Variants in KIAA1217 observed in about 807,000 individuals in gnomAD.
KIAA1217 encodes the protein sickle tail protein homolog.
In KIAA1217, 88 loss-of-function variants were observed where a neutral mutation model predicts 163.9. The observed-to-expected ratio is 0.54, with a 90% CI of 0.45 to 0.64. The LOEUF is 0.64. Among genes scored for constraint, KIAA1217 ranks in the 30% least tolerant of loss-of-function variants. The pLI is 0.00. For synonymous variants in KIAA1217, 903 were observed against 923.1 expected (o/e 0.98, Z 0.39); for missense variants, 2,372 against 2,475.0 (o/e 0.96, Z 0.88).
At chr10:23,964,289 G>A (rs1446911534) in intron 1 of KIAA1217, among the ~76,000 whole-genome samples, 2 of 149,092 alleles carry the variant, frequency 1.3e-5, no homozygotes, top group African/African-American at 5.1e-5. Flanking sequence ...CTTTTTGATG[G>A]GGTTGTTTTT....
intron 2 of KIAA1217, among the ~76,000 whole-genome samples, chr10:24,351,270 G>A (rs1414681): frequency 0.37 from 56,747 of 152,020 alleles, 11,075 homozygotes; most frequent in Middle Eastern, 0.44. Flanking sequence ...TCTTGTAAAC[G>A]AATTTTTGGG....
At chr10:23,773,063 T>C (rs187512415) in intron 1 of KIAA1217, among the ~76,000 whole-genome samples, 10 of 152,296 alleles carry the variant, frequency 6.6e-5, no homozygotes, top group Non-Finnish European at 1.2e-4. Context: ...CTGATGGATT[T>C]AGAAATTCAA....
At chr10:24,427,463 G>A (rs1334945237) in intron 3 of KIAA1217, among the ~76,000 whole-genome samples, 1 of 152,116 alleles carries the variant, frequency 6.6e-6, no homozygotes, top group Non-Finnish European at 1.5e-5. Flanking sequence ...TATGAATTTG[G>A]CAGAAGTGGA....
intron 1 of KIAA1217, among the ~76,000 whole-genome samples, chr10:23,879,768 G>C (rs1200159229): frequency 6.6e-6 from 1 of 151,874 alleles, no homozygotes; most frequent in African/African-American, 2.4e-5. Flanking sequence ...TTTTAAGATG[G>C]TAAAAAGAGT....
At chr10:23,739,118 G>A (rs767979249) in intron 1 of KIAA1217, among the ~76,000 whole-genome samples, 19 of 152,120 alleles carry the variant, frequency 1.2e-4, no homozygotes, top group Non-Finnish European at 2.4e-4. Flanking sequence ...TGGAACTGGA[G>A]GTCACCATTT....
intron 2 of KIAA1217, among the ~76,000 whole-genome samples, chr10:24,194,685 G>A (rs1469162630): frequency 6.6e-6 from 1 of 150,950 alleles, no homozygotes; most frequent in East Asian, 2.0e-4. Flanking sequence ...CCAGGCTCAA[G>A]CGATCCTCCT....
intron 2 of KIAA1217, among the ~76,000 whole-genome samples, chr10:24,117,531 G>A (rs2063108529): frequency 6.6e-6 from 1 of 152,088 alleles, no homozygotes; most frequent in East Asian, 1.9e-4. Flanking sequence ...TTGGGAGGTT[G>A]AGGTGAGGTG....
chr10:24,488,077 T>G (rs78758254), intron 6 of KIAA1217, among the ~76,000 whole-genome samples: 1,576 of 152,200 alleles, frequency 0.01, 32 homozygotes, highest in African/African-American at 0.037. Context: ...AAAGAAATAG[T>G]TTGTATGAAT....
intron 6 of KIAA1217, among the ~76,000 whole-genome samples, chr10:24,477,513 CA>C (rs1377530390): frequency 4.6e-5 from 7 of 152,236 alleles, no homozygotes; most frequent in African/African-American, 1.7e-4. Flanking sequence ...CTCCACACAA[CA>C]GAGAAGTTAA....
intron 2 of KIAA1217, among the ~76,000 whole-genome samples, chr10:24,334,861 C>T (rs913182403): frequency 5.3e-5 from 8 of 152,086 alleles, no homozygotes; most frequent in South Asian, 2.1e-4. Flanking sequence ...AAGTATTTCC[C>T]GATCTTTTTC....
At chr10:24,468,794 A>G (rs907023389) in intron 5 of KIAA1217, among the ~76,000 whole-genome samples, 6 of 152,216 alleles carry the variant, frequency 3.9e-5, no homozygotes, top group African/African-American at 1.2e-4. Context: ...TGTTTCCCAC[A>G]TGAATGCCCA....
chr10:24,161,469 C>A (rs929366005), intron 2 of KIAA1217, among the ~76,000 whole-genome samples: 2 of 152,130 alleles, frequency 1.3e-5, no homozygotes, highest in Non-Finnish European at 2.9e-5. Flanking sequence ...GGCTCTACGT[C>A]CTGAAATACA....
chr10:23,905,454 A>C (rs965720597), intron 1 of KIAA1217, among the ~76,000 whole-genome samples: 1 of 152,024 alleles, frequency 6.6e-6, no homozygotes, highest in Non-Finnish European at 1.5e-5. Flanking sequence ...TATGCTTTAC[A>C]GATGATGACA....
rs538427270 is a variant in KIAA1217, at chr10:24,516,523, G to A, written c.2177+3089G>A. Among the ~76,000 whole-genome samples the A allele has an allele frequency of 5.9e-5, 9 of 152,368 alleles. No homozygotes were observed. The South Asian group carries it at 6.2e-4, about 11-fold the overall frequency. On this transcript the variant is annotated intron_variant, in intron 10 of 20. Transcript: ENST00000376454. ...GAATCTGCAGTTTACAAACAAAGCC[G>A]GTGATTCTGAAGCACTTTCACATTT...
intron 14 of KIAA1217, among the ~76,000 whole-genome samples, chr10:24,529,386 T>C (rs912787341): frequency 5.9e-5 from 9 of 152,330 alleles, no homozygotes; most frequent in African/African-American, 2.2e-4. Context: ...ACATTACTTA[T>C]GATACCTAAT....
At chr10:24,120,412 G>A (rs1398316349) in intron 2 of KIAA1217, among the ~76,000 whole-genome samples, 1 of 152,218 alleles carries the variant, frequency 6.6e-6, no homozygotes, top group East Asian at 1.9e-4. Context: ...TTGCCATACA[G>A]AACAGTGGTT....
chr10:23,856,423 T>C (rs1839666071), intron 1 of KIAA1217, among the ~76,000 whole-genome samples: 1 of 152,208 alleles, frequency 6.6e-6, no homozygotes, highest in Non-Finnish European at 1.5e-5. Flanking sequence ...CTGCCCCTAC[T>C]GGAGGGTGCC....
At chr10:23,704,630 T>C (rs1836760221) in intron 1 of KIAA1217, among the ~76,000 whole-genome samples, 1 of 152,192 alleles carries the variant, frequency 6.6e-6, no homozygotes, top group Non-Finnish European at 1.5e-5. Context: ...GTTGCATGTG[T>C]CATTAATTCC....
chr10:23,941,502 C>T lies in KIAA1217; in HGVS notation c.-320-65723C>T, dbSNP rs1009885116. The stretch of plus-strand genomic sequence containing the variant: ...TCCACTTTTTCCATAAGGCTACCCC[C>T]TTGTCTGGGTAGCACTGGATGATGA... On this transcript the variant is annotated intron_variant, in intron 1 of 18. Coordinates refer to the KIAA1217 transcript ENST00000376462. Among the ~76,000 whole-genome samples the T allele has an allele frequency of 2.6e-5, 4 of 152,228 alleles. No individual in the cohort carries two copies. The East Asian group carries it at 7.7e-4, about 29-fold the overall frequency.
Sources: allele counts gnomAD v4.1 joint callset (sites outside exome capture counted in the v4.1 genomes callset), GRCh38; gene constraint gnomAD v4.1.1; transcripts MANE v1.5; gene names NCBI Gene and HGNC (gene_info 2026-07-23, HGNC 2026-07-21).